ATP2B1: variants seen among roughly 807,000 people sequenced by gnomAD.
ATP2B1 encodes ATPase plasma membrane Ca2+ transporting 1, also known as plasma membrane calcium-transporting ATPase 1.
ATP2B1 carries 14 observed loss-of-function variants against 124.2 expected under a neutral mutation model. The ratio of observed to expected loss-of-function variants is 0.11; its 90% CI spans 0.07 to 0.18. ATP2B1 has a LOEUF of 0.18. ATP2B1 is among the 10% of genes least tolerant of loss of function. The pLI is 1.00. For synonymous variants in ATP2B1, 449 were observed against 492.4 expected (o/e 0.91, Z 1.17); for missense variants, 763 against 1,466.1 (o/e 0.52, Z 7.83).
rs746439522 is a variant in ATP2B1 at position 89,620,009 on chromosome 12, T to C, written c.1819A>G (p.Ile607Val). 6.2e-7 allele frequency: 1 copy of C among 1,613,790 alleles called. No individual in the cohort carries two copies. The highest frequency in any genetic ancestry group is 1.1e-5 in the South Asian group (1 of 91,072). The change falls in exon 11 of 21, where the codon ATT (isoleucine) becomes GTT (valine). Residue 607 changes from isoleucine (I) to valine (V), a missense_variant. Around this residue, in one of 7 missense-constraint regions of ATP2B1, gnomAD observed 392 missense variants for 776.6 expected, o/e 0.50. Transcript: ENST00000428670. ...RIFSKGASEI[I>V]LKKCFKILSA... is the part of the protein sequence containing the mutation. ...GCATTTTACTCTTACTTTTTCAGAATTATCTCAGATGCACCCTTGCTGAAT... is the reference window on the plus strand; with the variant it reads ...GCATTTTACTCTTACTTTTTCAGAACTATCTCAGATGCACCCTTGCTGAAT...
chr12:89,627,533 G>A (rs529963239), intron 7 of ATP2B1, 145 bp downstream of exon 7: 5 of 784,818 alleles, frequency 6.4e-6, no homozygotes, highest in South Asian at 5.6e-5. Flanking sequence ...CTAAGACACC[G>A]GCAGGAAGAA....
chr12:89,633,427 T>C (rs1370288623), intron 5 of ATP2B1, among the ~76,000 whole-genome samples: 1 of 152,004 alleles, frequency 6.6e-6, no homozygotes, highest in Non-Finnish European at 1.5e-5. Flanking sequence ...GCATTACGTA[T>C]ATCTCCTAAT....
rs10648843 is a variant in ATP2B1 at position 89,659,357 on chromosome 12, AACAC to A, written c.-221-3254_-221-3251del. On this transcript the variant is annotated intron_variant, in intron 1 of 20. Transcript: ENST00000428670. The stretch of plus-strand genomic sequence containing the variant: ...GTTGGTAGTCTTTGAGGTATTACAA[AACAC>A]ACACACACACACACACACACACGCA... Among the ~76,000 whole-genome samples the A allele has an allele frequency of 5.1e-3, 757 of 149,296 alleles. 4 individuals are homozygous for A. Among genetic ancestry groups the A allele is most frequent in the African/African-American group, 0.016 (646 of 40,678 alleles).
rs74786065 is a variant in ATP2B1 at position 89,626,265 on chromosome 12, T to C, written c.1129+189A>G. On this transcript the variant is annotated intron_variant, in intron 8 of 20. Coordinates refer to ENST00000428670, the MANE Select transcript of ATP2B1 (RefSeq NM_001366521.1). ...AGGCACTAATCCTAACCCGACCACT[T>C]ATTAGCAAATTATAAGTACCTATAG... 8.2e-3 allele frequency among the ~76,000 whole-genome samples: 1,254 copies of C among 152,316 alleles called. 16 individuals carry two copies. Among genetic ancestry groups the C allele is most frequent in the African/African-American group, 0.029 (1,200 of 41,568 alleles).
chr12:89,696,791 C>T (rs1382541892), intron 1 of ATP2B1, among the ~76,000 whole-genome samples: 1 of 152,074 alleles, frequency 6.6e-6, no homozygotes, highest in Non-Finnish European at 1.5e-5. Flanking sequence ...GAGAATATCT[C>T]ATCCATATAT....
intron 1 of ATP2B1, among the ~76,000 whole-genome samples, chr12:89,683,194 A>C (rs553092464): frequency 2.6e-5 from 4 of 152,234 alleles, no homozygotes; most frequent in Non-Finnish European, 5.9e-5. Context: ...GGGGGAAACA[A>C]TCAATTCACC....
upstream of ATP2B1, chr12:89,709,064 G>A (rs970758776): frequency 6.6e-6 from 1 of 151,212 alleles, no homozygotes; most frequent in African/African-American, 2.4e-5. Context: ...ACCTCCGTGA[G>A]CGCCGCAGCC....
At chr12:89,622,070 C>T (rs1299655445) in intron 9 of ATP2B1, among the ~76,000 whole-genome samples, 1 of 151,830 alleles carries the variant, frequency 6.6e-6, no homozygotes, top group Non-Finnish European at 1.5e-5. Flanking sequence ...CATCCGTACA[C>T]AAATAATACT....
intron 12 of ATP2B1, among the ~76,000 whole-genome samples, chr12:89,613,700 G>T (rs1018110736): frequency 2.6e-5 from 4 of 152,098 alleles, no homozygotes; most frequent in Admixed American, 2.0e-4. Flanking sequence ...TGAGTAAAAG[G>T]GAGAAATTGG....
At chr12:89,601,046 A>G (rs925362720) in intron 19 of ATP2B1, among the ~76,000 whole-genome samples, 1 of 152,176 alleles carries the variant, frequency 6.6e-6, no homozygotes, top group South Asian at 2.1e-4. Flanking sequence ...ACCAGTTATA[A>G]ATACATCATT....
At position 89,617,036 on chromosome 12, in the gene ATP2B1, A is replaced by G; in HGVS notation, c.1833T>C (p.Cys611=). The G allele has an allele frequency of 6.2e-7, 1 of 1,610,790 alleles. No individual in the cohort carries two copies. The highest frequency in any genetic ancestry group is 8.5e-7 in the Non-Finnish European group (1 of 1,177,012). The part of the protein sequence containing the change: ...KGASEIILKK[C]FKILSANGEA... ...CACCATTAGCACTCAAGATTTTGAA[A>G]CACCTAAAAGGAAATGTTGAATCCA... Residue 611 remains cysteine, a synonymous_variant, in exon 12 of 21, where the codon TGT becomes TGC. Coordinates refer to ENST00000428670, the MANE Select transcript of ATP2B1 (RefSeq NM_001366521.1).
At chr12:89,708,134 G>A (rs1419622967) in intron 1 of ATP2B1, among the ~76,000 whole-genome samples, 9 of 152,156 alleles carry the variant, frequency 5.9e-5, no homozygotes, top group Non-Finnish European at 1.0e-4. Flanking sequence ...GCGTCTGGGG[G>A]GCCGAGGCCA....
intron 14 of ATP2B1, 136 bp downstream of exon 14, chr12:89,610,285 A>G: frequency 1.2e-6 from 1 of 839,702 alleles, no homozygotes. Context: ...TAAGGTATCA[A>G]AGGAAATGTA....
At chr12:89,674,360 C>CAAAAAAAAAA (rs1215129032) in intron 1 of ATP2B1, among the ~76,000 whole-genome samples, 1 of 71,022 alleles carries the variant, frequency 1.4e-5, no homozygotes. Context: ...TTAGAATTGG[C>CAAAAAAAAAA]AAAAAAAAAA....
At chr12:89,655,550 C>A in intron 2 of ATP2B1, 129 bp downstream of exon 2, 3 of 844,352 alleles carry the variant, frequency 3.6e-6, no homozygotes, top group Non-Finnish European at 5.6e-6. Flanking sequence ...ATAACTAACC[C>A]ATTTTTAATG....
At chr12:89,637,766 ATAAT>A (rs1438709595) in intron 3 of ATP2B1, among the ~76,000 whole-genome samples, 1 of 152,142 alleles carries the variant, frequency 6.6e-6, no homozygotes, top group Non-Finnish European at 1.5e-5. Context: ...AGTTATAAAT[ATAAT>A]TAATAAATGC....
chr12:89,631,672 T>C (rs577782133), intron 5 of ATP2B1, among the ~76,000 whole-genome samples: 1 of 152,314 alleles, frequency 6.6e-6, no homozygotes, highest in Non-Finnish European at 1.5e-5. Flanking sequence ...ACTCATCCAC[T>C]ACTCTAACAT....
chr12:89,655,646 C>G (rs1426438838), intron 2 of ATP2B1, 33 bp downstream of exon 2: 9 of 1,598,112 alleles, frequency 5.6e-6, no homozygotes, highest in Non-Finnish European at 6.0e-6. Context: ...ACTCTTTGCA[C>G]AAAGAACCAA....
At chr12:89,619,942 A>C (rs1410308496) in intron 11 of ATP2B1, 57 bp downstream of exon 11, 1 of 1,590,372 alleles carries the variant, frequency 6.3e-7, no homozygotes, top group Non-Finnish European at 8.6e-7. Flanking sequence ...AACACAGTAG[A>C]TACTCCATAA....
Sources: gnomAD v4.1 joint callset for allele counts (sites outside exome capture counted in the v4.1 genomes callset) on GRCh38, gnomAD v4.1.1 for gene constraint, gnomAD v4.1.1 regional missense constraint, MANE v1.5 for transcripts, NCBI Gene and HGNC (gene_info 2026-07-23, HGNC 2026-07-21) for gene names.